The following MFHAS1 variants were observed in gnomAD, a reference collection of about 807,000 sequenced individuals.
The protein encoded by MFHAS1 is malignant fibrous histiocytoma-amplified sequence 1.
Under a neutral mutation model 70.4 loss-of-function variants are expected in MFHAS1, and 50 were observed. That is an observed-to-expected ratio of 0.71 (90% CI 0.57 to 0.90). The LOEUF (loss-of-function observed/expected upper bound fraction) is 0.90. Among genes scored for constraint, MFHAS1 ranks in the 40% least tolerant of loss-of-function variants. MFHAS1 has a pLI of 0.00. For synonymous variants in MFHAS1, 952 were observed against 620.0 expected, an observed-to-expected ratio of 1.54 and a Z score of -7.96; for missense variants, 1,795 against 1,347.6, an observed-to-expected ratio of 1.33 and a Z score of -5.20.
intron 1 of MFHAS1, among the ~76,000 whole-genome samples, chr8:8,876,827 G>A (rs1038997392): frequency 3.3e-5 from 5 of 152,008 alleles, no homozygotes; most frequent in South Asian, 4.2e-4. Flanking sequence ...CCAGTTACTC[G>A]GGAGGCTAAG....
intron 1 of MFHAS1, among the ~76,000 whole-genome samples, chr8:8,856,460 T>C (rs189001658): frequency 6.6e-5 from 10 of 152,292 alleles, no homozygotes; most frequent in African/African-American, 2.2e-4. Context: ...ATATTTCCTG[T>C]TGGAATTCCT....
At chr8:8,861,224 C>T (rs994420790) in intron 1 of MFHAS1, among the ~76,000 whole-genome samples, 4 of 152,224 alleles carry the variant, frequency 2.6e-5, no homozygotes, top group Non-Finnish European at 5.9e-5. Context: ...TTGTGTCTTA[C>T]AAAATCCTTG....
Position 8,785,830 on chromosome 8 carries a change from T to G in MFHAS1, c.*192A>C. The G allele has an allele frequency of 1.8e-6, 1 of 550,328 alleles. No individual in the cohort carries two copies. The highest frequency in any genetic ancestry group is 2.2e-5 in the South Asian group (1 of 44,850). 34.1% of individuals were successfully genotyped at this position (550,328 alleles called of 1,614,324 possible). A position where few individuals can be genotyped will look rare whatever the true frequency, so the allele number is the denominator to read the frequency against. Reference sequence around the variant, plus strand: ...GTTGTAAAACATTTGCTCCATGTTCTCGTCCATGCTTCCCCCCACCACCCC... The same window carrying G: ...GTTGTAAAACATTTGCTCCATGTTCGCGTCCATGCTTCCCCCCACCACCCC... On this transcript the variant is annotated 3_prime_UTR_variant, in exon 3 of 3. Transcript: ENST00000276282.
At chr8:8,828,001 A>G (rs919127711) in intron 1 of MFHAS1, among the ~76,000 whole-genome samples, 13 of 152,040 alleles carry the variant, frequency 8.6e-5, no homozygotes, top group African/African-American at 2.7e-4. Flanking sequence ...ACAGCTCTTC[A>G]GCTGTCCTAA....
At chr8:8,885,557 A>C (rs528948827) in intron 1 of MFHAS1, among the ~76,000 whole-genome samples, 36 of 152,346 alleles carry the variant, frequency 2.4e-4, no homozygotes, top group Middle Eastern at 3.4e-3. Flanking sequence ...AACAGAATAA[A>C]AGCATAAACA....
At chr8:8,866,114 T>C (rs548796916) in intron 1 of MFHAS1, among the ~76,000 whole-genome samples, 23 of 152,178 alleles carry the variant, frequency 1.5e-4, no homozygotes, top group Non-Finnish European at 2.4e-4. Flanking sequence ...TTATTCTCTT[T>C]TTCTAAGCAG....
chr8:8,843,836 T>C (rs907729039), intron 1 of MFHAS1, among the ~76,000 whole-genome samples: 2 of 152,118 alleles, frequency 1.3e-5, no homozygotes, highest in Admixed American at 6.5e-5. Flanking sequence ...TACGCTAAGG[T>C]CCAAAAATGG....
At chr8:8,844,146 A>G (rs1371276384) in intron 1 of MFHAS1, among the ~76,000 whole-genome samples, 1 of 152,222 alleles carries the variant, frequency 6.6e-6, no homozygotes, top group Non-Finnish European at 1.5e-5. Flanking sequence ...CTAACCTAGC[A>G]AGAGAACTGT....
At chr8:8,804,782 G>A (rs573839866) in intron 1 of MFHAS1, among the ~76,000 whole-genome samples, 1 of 152,194 alleles carries the variant, frequency 6.6e-6, no homozygotes, top group Non-Finnish European at 1.5e-5. Flanking sequence ...GGGAAGCCGT[G>A]CCAGGCCCAC....
intron 1 of MFHAS1, among the ~76,000 whole-genome samples, chr8:8,835,855 T>C (rs1807576038): frequency 6.6e-6 from 1 of 152,246 alleles, no homozygotes; most frequent in Non-Finnish European, 1.5e-5. Context: ...CGCTGCCTGT[T>C]CTTGTAAATA....
At position 8,890,675 on chromosome 8, in the gene MFHAS1, T is replaced by C; in HGVS notation, c.2384A>G (p.His795Arg). 4.3e-6 allele frequency: 7 copies of C among 1,613,472 alleles called. No individual in the cohort carries two copies. Among genetic ancestry groups the C allele is most frequent in the African/African-American group, 1.3e-5 (1 of 75,036 alleles). Reference protein sequence around the residue: ...LHQYVEGFLLHGLLPAHVIRL... With the variant: ...LHQYVEGFLLRGLLPAHVIRL... ...AATGACATGAGCTGGCAAGAGCCCA[T>C]GCAACAGAAAGCCCTCCACATACTG... Residue 795 changes from histidine to arginine, a missense_variant, in exon 1 of 3, where the codon CAT (histidine) becomes CGT (arginine). Coordinates refer to ENST00000276282, the MANE Select transcript of MFHAS1 (RefSeq NM_004225.3).
At position 8,802,467 on chromosome 8, in the gene MFHAS1, C is replaced by T. The variant is rs144678117; in HGVS notation, c.2999-4976G>A. Among the ~76,000 whole-genome samples, 139 of 152,288 alleles carry T rather than the reference C, an allele frequency of 9.1e-4. 1 individual carries two copies. The highest frequency in any genetic ancestry group is 3.2e-3 in the African/African-American group (133 of 41,558). The stretch of plus-strand genomic sequence containing the variant: ...TAAATACACAAAGAGTTCATACAAG[C>T]GCATGTGAGGACATGGCGAGAAGAC... On this transcript the variant is annotated intron_variant, in intron 1 of 2. Coordinates refer to ENST00000276282, the MANE Select transcript of MFHAS1 (RefSeq NM_004225.3).
chr8:8,892,169 C>T lies in MFHAS1; in HGVS notation c.890G>A (p.Gly297Asp). 2.5e-6 allele frequency: 4 copies of T among 1,610,782 alleles called. No homozygotes were observed. Among genetic ancestry groups the T allele is most frequent in the Non-Finnish European group, 3.4e-6 (4 of 1,179,998 alleles). Reference protein sequence around the residue: ...EFPAALLPLAGLEELYLSRNQ... With the variant: ...EFPAALLPLADLEELYLSRNQ... ...GCGACTAAGGTAGAGCTCCTCCAGA[C>T]CAGCCAGGGGCAGCAGCGCGGCAGG... The change falls in exon 1 of 3, where the codon GGT becomes GAT. Residue 297 changes from glycine (G) to aspartate (D), a missense_variant. By Grantham distance (94) the Gly-to-Asp change is moderately conservative. Coordinates refer to ENST00000276282, the MANE Select transcript of MFHAS1 (RefSeq NM_004225.3). The surrounding 1 kb of genome is among the most constrained non-coding windows in gnomAD (Gnocchi z 4.7).
At chr8:8,836,445 C>T (rs1387673755) in intron 1 of MFHAS1, among the ~76,000 whole-genome samples, 1 of 152,072 alleles carries the variant, frequency 6.6e-6, no homozygotes, top group Non-Finnish European at 1.5e-5. Flanking sequence ...GTGGCATGAT[C>T]GGAACTCACT....
intron 1 of MFHAS1, among the ~76,000 whole-genome samples, chr8:8,803,433 C>T (rs1806152660): frequency 6.6e-6 from 1 of 151,338 alleles, no homozygotes; most frequent in African/African-American, 2.4e-5. Flanking sequence ...AGAAGAATCG[C>T]TTGAACCCGA....
chr8:8,884,957 C>G (rs934166932), intron 1 of MFHAS1, among the ~76,000 whole-genome samples: 1 of 151,694 alleles, frequency 6.6e-6, no homozygotes, highest in Non-Finnish European at 1.5e-5. Context: ...TGCCCCCACC[C>G]CCCCAAAAAA....
intron 1 of MFHAS1, among the ~76,000 whole-genome samples, chr8:8,883,027 C>A (rs140324812): frequency 0.017 from 2,613 of 152,150 alleles, 70 homozygotes; most frequent in African/African-American, 0.059. Flanking sequence ...GTGGTGCACC[C>A]CTGTAGTCCC....
At chr8:8,838,938 G>A (rs888646781) in intron 1 of MFHAS1, among the ~76,000 whole-genome samples, 1 of 152,058 alleles carries the variant, frequency 6.6e-6, no homozygotes, top group Non-Finnish European at 1.5e-5. Flanking sequence ...GCAAAGGCAT[G>A]TACCATTTTA....
At chr8:8,883,623 A>C (rs1007123775) in intron 1 of MFHAS1, among the ~76,000 whole-genome samples, 2 of 147,962 alleles carry the variant, frequency 1.4e-5, no homozygotes, top group African/African-American at 5.0e-5. Flanking sequence ...CAGGAGAATC[A>C]CTTGAACCCA....
Sources: allele counts gnomAD v4.1 joint callset (sites outside exome capture counted in the v4.1 genomes callset), GRCh38; gene constraint gnomAD v4.1.1; non-coding constraint Gnocchi (gnomAD v3.1); transcripts MANE v1.5; gene names NCBI Gene and HGNC (gene_info 2026-07-23, HGNC 2026-07-21).